The following PSMD12 variants were observed in gnomAD, a reference collection of about 807,000 sequenced individuals.
PSMD12 encodes the protein proteasome 26S subunit, non-ATPase 12, also known as 26S proteasome non-ATPase regulatory subunit 12.
In PSMD12, 8 loss-of-function variants were observed where a neutral mutation model predicts 62.9. That is an observed-to-expected ratio of 0.13 (90% CI 0.07 to 0.23). The LOEUF is 0.23. Ranked by LOEUF, PSMD12 falls within the 10% of genes least tolerant of loss-of-function variation. PSMD12 has a pLI of 1.00. For missense variants in PSMD12, 424 were observed against 550.2 expected (o/e 0.77, Z 2.29); for synonymous variants, 173 against 187.4 (o/e 0.92, Z 0.63).
In PSMD12 at chr17:67,362,302, G is replaced by A. The variant is rs116854321; in HGVS notation, c.108+4110C>T. ...AAGAGATAACCATCATCAAGAACTA[G>A]TATCACTTTTACTAACACCCCATCA... is the stretch of plus-strand genomic sequence containing the variant. On this transcript the variant is annotated intron_variant, in intron 1 of 10. Transcript: ENST00000356126. Among the ~76,000 whole-genome samples the A allele has an allele frequency of 2.9e-3, 442 of 152,282 alleles. 8 individuals are homozygous for A. In the East Asian group the frequency reaches 0.069, roughly 24 times the overall value.
chr17:67,352,338 A>G (rs1672110685), intron 3 of PSMD12, among the ~76,000 whole-genome samples: 2 of 152,126 alleles, frequency 1.3e-5, no homozygotes. Flanking sequence ...ACTTCCATTT[A>G]TCAATGAGAA....
intron 1 of PSMD12, among the ~76,000 whole-genome samples, chr17:67,366,099 C>T (rs561292752): frequency 5.5e-4 from 84 of 152,324 alleles, no homozygotes; most frequent in Middle Eastern, 3.4e-3. Flanking sequence ...GCGGCCTTAA[C>T]CCCTGGGAAA....
intron 7 of PSMD12, 66 bp from the exon 8 acceptor site, chr17:67,345,923 A>G: frequency 7.2e-7 from 1 of 1,389,284 alleles, no homozygotes; most frequent in Non-Finnish European, 1.0e-6. Flanking sequence ...CAAAAACTGA[A>G]CAATCATGGA....
At chr17:67,345,317 T>C (rs1457614956) in intron 8 of PSMD12, among the ~76,000 whole-genome samples, 1 of 152,140 alleles carries the variant, frequency 6.6e-6, no homozygotes, top group East Asian at 1.9e-4. Flanking sequence ...AGTTTTATTC[T>C]CTAGTATACG....
intron 3 of PSMD12, among the ~76,000 whole-genome samples, chr17:67,351,975 T>C (rs1567956628): frequency 6.6e-6 from 1 of 150,856 alleles, no homozygotes; most frequent in East Asian, 1.9e-4. Context: ...TGCATGCCTG[T>C]AGTCCCAGCT....
chr17:67,357,751 T>C lies in PSMD12; in HGVS notation c.109-173A>G, dbSNP rs560865219. On this transcript the variant is annotated intron_variant, in intron 1 of 10. Coordinates refer to ENST00000356126, the MANE Select transcript of PSMD12 (RefSeq NM_002816.5). ...CTTTTCATGATAGTGCTTCCTTCTCTAGTGGGTTCCATCAGTCAGTGGTTC... is the reference window on the plus strand; with the variant it reads ...CTTTTCATGATAGTGCTTCCTTCTCCAGTGGGTTCCATCAGTCAGTGGTTC... Among the ~76,000 whole-genome samples, 9 of 152,368 alleles carry C rather than the reference T, an allele frequency of 5.9e-5. No individual in the cohort carries two copies. The South Asian group carries it at 1.9e-3, about 32-fold the overall frequency.
At chr17:67,355,968 C>CTA (rs1342343559) in intron 3 of PSMD12, among the ~76,000 whole-genome samples, 3 of 122,392 alleles carry the variant, frequency 2.5e-5, no homozygotes, top group South Asian at 5.8e-4. Context: ...GCCCCCATTT[C>CTA]TACACACACA....
rs766751136 is a variant in PSMD12 at position 67,340,841 on chromosome 17, C to G, written c.*2G>C. The stretch of plus-strand genomic sequence containing the variant: ...TAACTTTTTTCTAAAGCACTAAGAC[C>G]CTTATTGTAGATTATGTATCATCTC... On this transcript the variant is annotated 3_prime_UTR_variant, in exon 11 of 11. Coordinates refer to ENST00000356126, the MANE Select transcript of PSMD12 (RefSeq NM_002816.5). 7.0e-6 allele frequency: 11 copies of G among 1,561,872 alleles called. No homozygotes were observed. The highest frequency in any genetic ancestry group is 9.5e-6 in the Non-Finnish European group (11 of 1,159,012).
intron 9 of PSMD12, 98 bp from the exon 10 acceptor site, chr17:67,342,361 TAGACTC>T (rs2143682601): frequency 2.5e-6 from 2 of 796,446 alleles, no homozygotes; most frequent in East Asian, 2.6e-5. Context: ...CTTAAAATGT[TAGACTC>T]AGAGCTTTTA....
intron 5 of PSMD12, among the ~76,000 whole-genome samples, chr17:67,348,078 G>C (rs1385028231): frequency 1.3e-5 from 2 of 152,186 alleles, no homozygotes; most frequent in Non-Finnish European, 2.9e-5. Context: ...AAGCTATTCT[G>C]AACAGGTTTT....
At chr17:67,359,686 G>A (rs1339855543) in intron 1 of PSMD12, among the ~76,000 whole-genome samples, 2 of 152,220 alleles carry the variant, frequency 1.3e-5, no homozygotes, top group Admixed American at 6.5e-5. Context: ...TGCATGGCCC[G>A]TCTGAACTTA....
intron 10 of PSMD12, among the ~76,000 whole-genome samples, chr17:67,341,542 A>G (rs1228305003): frequency 6.7e-6 from 1 of 149,000 alleles, no homozygotes; most frequent in Admixed American, 6.7e-5. Flanking sequence ...TTTTACTGAT[A>G]GTCTAGGGAA....
Position 67,347,322 on chromosome 17 carries a change from A to C in PSMD12, c.660+14T>G. 1 of 1,612,796 alleles carries C rather than the reference A, an allele frequency of 6.2e-7. No individual in the cohort carries two copies. The highest frequency in any genetic ancestry group is 8.5e-7 in the Non-Finnish European group (1 of 1,179,300). On this transcript the variant is annotated intron_variant, in intron 6 of 10. Coordinates refer to ENST00000356126, the MANE Select transcript of PSMD12 (RefSeq NM_002816.5). The stretch of plus-strand genomic sequence containing the variant: ...ATACTTTTAAAGTAAACATGTGGTC[A>C]CAGATATGCTCACCTCTGTATTTTC...
intron 9 of PSMD12, among the ~76,000 whole-genome samples, chr17:67,343,397 C>T (rs2041933552): frequency 6.6e-6 from 1 of 152,150 alleles, no homozygotes; most frequent in African/African-American, 2.4e-5. Flanking sequence ...ATGTATCTCT[C>T]ACCTTACTAG....
At chr17:67,354,097 G>T (rs755646747) in intron 3 of PSMD12, among the ~76,000 whole-genome samples, 17 of 152,136 alleles carry the variant, frequency 1.1e-4, no homozygotes, top group Non-Finnish European at 1.2e-4. Flanking sequence ...ATAAAAATAC[G>T]TTTCTCCATT....
intron 3 of PSMD12, among the ~76,000 whole-genome samples, chr17:67,350,826 A>G (rs1427862542): frequency 6.6e-6 from 1 of 151,992 alleles, no homozygotes; most frequent in Non-Finnish European, 1.5e-5. Context: ...GCTAGAATAC[A>G]CTCCCTTCAG....
In PSMD12 at chr17:67,357,312, C is replaced by A; in HGVS notation, c.288G>T (p.Gln96His). 6.2e-7 allele frequency: 1 copy of A among 1,611,540 alleles called. No homozygotes were observed. Among genetic ancestry groups the A allele is most frequent in the South Asian group, 1.1e-5 (1 of 90,626 alleles). ...ATGATCATGAACTCACTTGTTTTAA[C>A]TGACTCCGCCTTTTGGACAAAAGCA... Reference protein sequence around the residue: ...NIMLLSKRRSQLKQAVAKMVQ... With the variant: ...NIMLLSKRRSHLKQAVAKMVQ... Residue 96 changes from glutamine to histidine, a missense_variant, in exon 3 of 11, where the codon CAG becomes CAT. Physicochemically the swap from Gln to His is conservative, Grantham distance 24. Transcript: ENST00000356126.
At chr17:67,360,615 C>A (rs1288695162) in intron 1 of PSMD12, among the ~76,000 whole-genome samples, 2 of 152,196 alleles carry the variant, frequency 1.3e-5, no homozygotes, top group African/African-American at 4.8e-5. Context: ...AAGCACATGC[C>A]ACTGCTTCTG....
At chr17:67,364,718 T>A (rs1447961550) in intron 1 of PSMD12, among the ~76,000 whole-genome samples, 1 of 152,230 alleles carries the variant, frequency 6.6e-6, no homozygotes, top group Non-Finnish European at 1.5e-5. Flanking sequence ...TATTTTAATA[T>A]GACAGATTAG....
Sources: allele counts gnomAD v4.1 joint callset (sites outside exome capture counted in the v4.1 genomes callset), GRCh38; gene constraint gnomAD v4.1.1; transcripts MANE v1.5; gene names NCBI Gene and HGNC (gene_info 2026-07-23, HGNC 2026-07-21).